Variants in ANKRD36C observed in about 807,000 individuals in gnomAD.
The protein encoded by ANKRD36C is ankyrin repeat domain-containing protein 36C.
ANKRD36C carries 61 observed loss-of-function variants against 276.4 expected under a neutral mutation model. The observed-to-expected ratio is 0.22, with a 90% CI of 0.18 to 0.27. The LOEUF (loss-of-function observed/expected upper bound fraction) is 0.27. Among genes scored for constraint, ANKRD36C ranks in the 10% least tolerant of loss-of-function variants. The probability of loss-of-function intolerance (pLI) is 1.00; values close to 1 mark genes in which losing one functional copy is unlikely to be tolerated. For missense variants in ANKRD36C, 1,447 were observed against 2,032.3 expected (o/e 0.71, Z 5.54); for synonymous variants, 483 against 680.1 (o/e 0.71, Z 4.51).
chr2:95,891,509 C>T (rs969941947), intron 46 of ANKRD36C, among the ~76,000 whole-genome samples, 156 bp downstream of exon 66: 2 of 150,968 alleles, frequency 1.3e-5, no homozygotes. Context: ...AGAGCAGCAG[C>T]ATCATCATCA....
At chr2:95,853,057 C>T (rs1257005956) in intron 64 of ANKRD36C, 1 of 152,246 alleles carries the variant, frequency 6.6e-6, no homozygotes, top group African/African-American at 2.4e-5. Flanking sequence ...TTTAGTTTAG[C>T]TTTTTCTACA....
chr2:95,873,677 G>A (rs1487023545), intron 59 of ANKRD36C, among the ~76,000 whole-genome samples: 2 of 152,206 alleles, frequency 1.3e-5, no homozygotes, highest in Non-Finnish European at 2.9e-5. Context: ...GTTCTGGCCA[G>A]GGCCATTAGG....
chr2:95,868,187 T>C lies in ANKRD36C; in HGVS notation c.3541-606A>G, dbSNP rs569622437. On this transcript the variant is annotated intron_variant, in intron 59 of 66. Transcript: ENST00000456556. The stretch of plus-strand genomic sequence containing the variant: ...TGCACATTTTCTAATTCAAGTTTTA[T>C]GCTTTCATACTTATTTGCACTACAG... Among the ~76,000 whole-genome samples the C allele has an allele frequency of 2.6e-5, 4 of 152,320 alleles. No homozygotes were observed. The East Asian group carries it at 7.7e-4, about 29-fold the overall frequency.
chr2:95,888,495 C>A (rs1205461784), intron 48 of ANKRD36C, among the ~76,000 whole-genome samples: 1 of 151,646 alleles, frequency 6.6e-6, no homozygotes, highest in Non-Finnish European at 1.5e-5. Context: ...GTCTTCCATG[C>A]AAGAAATCAA....
chr2:95,937,412 A>G lies in ANKRD36C; in HGVS notation c.1633+1417T>C, dbSNP rs544196298. Among the ~76,000 whole-genome samples, 36 of 152,378 alleles carry G rather than the reference A, an allele frequency of 2.4e-4. No homozygotes were observed. In the South Asian group the frequency reaches 7.1e-3, roughly 30 times the overall value. On this transcript the variant is annotated intron_variant, in intron 22 of 66. Coordinates refer to ENST00000456556, the Ensembl canonical transcript of ANKRD36C. ...CCAGATTCAAAGAGATCAGAGTGCC[A>G]TGGACAAAAACAAATATATAAAACA...
At chr2:95,855,230 G>C (rs1221693586) in intron 63 of ANKRD36C, 36 bp downstream of exon 83, 12 of 1,506,136 alleles carry the variant, frequency 8.0e-6, no homozygotes, top group Non-Finnish European at 9.7e-6. Flanking sequence ...TTTACTTCAG[G>C]AAGTTTGAAA....
chr2:95,967,455 T>C (rs1217696043), intron 6 of ANKRD36C, among the ~76,000 whole-genome samples: 2 of 152,138 alleles, frequency 1.3e-5, no homozygotes, highest in African/African-American at 4.8e-5. Context: ...CTCACGCCAT[T>C]TAGAATGGCA....
At chr2:95,851,171 T>C (rs1349226594) in exon 67 of ANKRD36C, 2 of 1,562,648 alleles carry the variant, frequency 1.3e-6, no homozygotes, top group South Asian at 1.2e-5. Flanking sequence ...CATACCTTCA[T>C]CTAGCTCTCA....
At chr2:95,933,717 G>GCAAA (rs1677635490) in intron 24 of ANKRD36C, among the ~76,000 whole-genome samples, 1 of 152,180 alleles carries the variant, frequency 6.6e-6, no homozygotes, top group Non-Finnish European at 1.5e-5. Flanking sequence ...CATGTTATCT[G>GCAAA]CAGAGACAAT....
intron 42 of ANKRD36C, among the ~76,000 whole-genome samples, chr2:95,910,949 ACAAAT>A (rs2104395643): frequency 6.6e-6 from 1 of 151,576 alleles, no homozygotes; most frequent in East Asian, 2.0e-4. Flanking sequence ...CTTTCGTGCA[ACAAAT>A]CAAAAGGATT....
At chr2:95,988,056 C>T (rs1319619797) in intron 1 of ANKRD36C, among the ~76,000 whole-genome samples, 1 of 151,052 alleles carries the variant, frequency 6.6e-6, no homozygotes, top group Non-Finnish European at 1.5e-5. Flanking sequence ...TCACCCAATC[C>T]GTGATGCCTT....
Position 95,920,546 on chromosome 2 carries a change from T to C in ANKRD36C, c.2245+1061A>G. On this transcript the variant is annotated intron_variant, in intron 34 of 66. Transcript: ENST00000456556. Reference sequence around the variant, plus strand: ...TGCCTAAGTTTCTTGTATCCACTAGTTTATCCCTCTGAAACTTTCTTCATC... The same window carrying C: ...TGCCTAAGTTTCTTGTATCCACTAGCTTATCCCTCTGAAACTTTCTTCATC... 1.5e-5 allele frequency among the ~76,000 whole-genome samples: 2 copies of C among 132,602 alleles called. 1 individual carries two copies. The highest frequency in any genetic ancestry group is 1.6e-4 in the Admixed American group (2 of 12,698). 87.0% of individuals were successfully genotyped at this position (132,602 alleles called of 152,430 possible). A position where few individuals can be genotyped will look rare whatever the true frequency, so the allele number is the denominator to read the frequency against.
At position 95,982,380 on chromosome 2, in the gene ANKRD36C, C is replaced by A. The variant is rs763788051; in HGVS notation, c.487-18G>T. On this transcript the variant is annotated intron_variant, in intron 3 of 66. Coordinates refer to ENST00000456556, the Ensembl canonical transcript of ANKRD36C. ...TATTCATCCTGTAAAATAACAGCAACAATTTATAATCACAAAATTACATAT... is the reference window on the plus strand; with the variant it reads ...TATTCATCCTGTAAAATAACAGCAAAAATTTATAATCACAAAATTACATAT... The A allele has an allele frequency of 9.3e-6, 14 of 1,510,336 alleles. No individual in the cohort carries two copies. Among genetic ancestry groups the A allele is most frequent in the Admixed American group, 2.1e-5 (1 of 47,560 alleles). 93.6% of individuals were successfully genotyped at this position (1,510,336 alleles called of 1,614,324 possible).
In ANKRD36C at chr2:95,910,431, C is replaced by T. The variant is rs984664284; in HGVS notation, c.2653+1813G>A. On this transcript the variant is annotated intron_variant, in intron 42 of 66. Transcript: ENST00000456556. ...TGGCTATACTCAAAACAGAATCTTCCTCGTCACTTGTAGCCTGAATAGAAT... is the reference window on the plus strand; with the variant it reads ...TGGCTATACTCAAAACAGAATCTTCTTCGTCACTTGTAGCCTGAATAGAAT... 5.1e-6 allele frequency: 8 copies of T among 1,562,734 alleles called. No homozygotes were observed. In the Admixed American group the frequency reaches 1.5e-4, roughly 29 times the overall value.
intron 8 of ANKRD36C, among the ~76,000 whole-genome samples, chr2:95,961,060 G>A (rs1488391189): frequency 6.6e-6 from 1 of 152,054 alleles, no homozygotes; most frequent in Admixed American, 6.6e-5. Flanking sequence ...ACACATCAGA[G>A]GGATTTATAC....
At chr2:95,989,669 G>A (rs1679098582) in intron 1 of ANKRD36C, among the ~76,000 whole-genome samples, 1 of 151,984 alleles carries the variant, frequency 6.6e-6, no homozygotes, top group Non-Finnish European at 1.5e-5. Context: ...TTAGTATAAT[G>A]GAATTGATGG....
intron 59 of ANKRD36C, among the ~76,000 whole-genome samples, chr2:95,876,218 T>C (rs1675949831): frequency 6.6e-6 from 1 of 152,178 alleles, no homozygotes; most frequent in South Asian, 2.1e-4. Flanking sequence ...CAGGAACTTT[T>C]TAACTCAATT....
At chr2:95,908,813 G>A in intron 42 of ANKRD36C, 116 bp from the exon 47 acceptor site, 1 of 1,499,254 alleles carries the variant, frequency 6.7e-7, no homozygotes. Flanking sequence ...CGTAGGCTTT[G>A]ATGGCTTCTA....
chr2:95,852,439 G>A, intron 64 of ANKRD36C: 2 of 452,406 alleles, frequency 4.4e-6, no homozygotes, highest in South Asian at 5.5e-5. Context: ...GTAACTGCAG[G>A]GCTGAGTTAT....
Sources: gnomAD v4.1 joint callset for allele counts (sites outside exome capture counted in the v4.1 genomes callset) on GRCh38, gnomAD v4.1.1 for gene constraint, MANE v1.5 for transcripts, NCBI Gene and HGNC (gene_info 2026-07-23, HGNC 2026-07-21) for gene names.